NFATC2: variants seen among roughly 807,000 people sequenced by gnomAD.
NFATC2 encodes the protein nuclear factor of activated T cells 2, also known as nuclear factor of activated T-cells, cytoplasmic 2.
Under a neutral mutation model 87.3 loss-of-function variants are expected in NFATC2, and 22 were observed. That is an observed-to-expected ratio of 0.25 (90% CI 0.18 to 0.36). The LOEUF (loss-of-function observed/expected upper bound fraction) is 0.36, where lower values mean the gene tolerates loss of function less well. Among genes scored for constraint, NFATC2 ranks in the 10% least tolerant of loss-of-function variants. NFATC2 has a pLI of 1.00. For synonymous variants in NFATC2, 565 were observed against 542.2 expected (o/e 1.04, Z -0.58); for missense variants, 1,149 against 1,259.1 (o/e 0.91, Z 1.32).
chr20:51,506,085 C>G (rs1340777134), intron 3 of NFATC2, among the ~76,000 whole-genome samples: 1 of 152,216 alleles, frequency 6.6e-6, no homozygotes, highest in Admixed American at 6.5e-5. Flanking sequence ...AGCAATGCAA[C>G]CTTGAAAAAG....
intron 10 of NFATC2, among the ~76,000 whole-genome samples, chr20:51,398,129 C>T (rs187264435): frequency 1.1e-4 from 16 of 146,464 alleles, no homozygotes; most frequent in African/African-American, 4.1e-4. Flanking sequence ...CTTCAAAAGC[C>T]ACAACAAGGA....
Position 51,524,055 on chromosome 20 carries a change from A to C in NFATC2, c.186T>G (p.Asp62Glu). The change falls in exon 2 of 11, where the codon GAT becomes GAG. Residue 62 changes from aspartate to glutamate, a missense_variant. Asp to Glu is a conservative substitution (Grantham distance 45). Transcript: ENST00000371564. This position sits in a 1 kb window ranked among gnomAD's most constrained non-coding sequence, Gnocchi z 4.0. The part of the protein sequence containing the change: ...ASPPSGPAYP[D>E]DVLDYGLKPY... Reference sequence around the variant, plus strand: ...GCTTGAGGCCATAGTCCAGGACATCATCGGGGTATGCGGGTCCGGAGGGTG... The same window carrying C: ...GCTTGAGGCCATAGTCCAGGACATCCTCGGGGTATGCGGGTCCGGAGGGTG... 6.6e-7 allele frequency: 1 copy of C among 1,513,508 alleles called. No individual in the cohort carries two copies. Among genetic ancestry groups the C allele is most frequent in the Non-Finnish European group, 8.8e-7 (1 of 1,134,116 alleles). The allele number at this position is 1,513,508 out of a possible 1,614,324, so 93.8% of individuals were successfully genotyped here. A position where few individuals can be genotyped will look rare whatever the true frequency, so the allele number is the denominator to read the frequency against.
rs1445842798 is a variant in NFATC2 at position 51,420,719 on chromosome 20, A to C, written c.2722+11348T>G. On this transcript the variant is annotated intron_variant, in intron 9 of 10. Coordinates refer to ENST00000371564, the MANE Select transcript of NFATC2 (RefSeq NM_012340.5). ...ATGAACTATAATAAAAACAAAGAAG[A>C]AAACACTTTTATGATATTTATATAT... 7.9e-5 allele frequency among the ~76,000 whole-genome samples: 12 copies of C among 152,192 alleles called. 1 individual carries two copies. The East Asian group carries it at 2.3e-3, about 29-fold the overall frequency.
chr20:51,489,434 T>C (rs1166018475), intron 3 of NFATC2, among the ~76,000 whole-genome samples: 1 of 152,196 alleles, frequency 6.6e-6, no homozygotes, highest in Non-Finnish European at 1.5e-5. Context: ...CATCTCTAGA[T>C]TTTCTACATT....
intron 9 of NFATC2, among the ~76,000 whole-genome samples, chr20:51,399,417 G>A (rs1353833273): frequency 6.6e-6 from 1 of 152,188 alleles, no homozygotes; most frequent in Admixed American, 6.5e-5. Context: ...CATTCCAAAT[G>A]CCTGATTTAG....
At chr20:51,507,218 T>C (rs3787189) in intron 3 of NFATC2, among the ~76,000 whole-genome samples, 53,303 of 152,130 alleles carry the variant, frequency 0.35, 9,414 homozygotes, top group Middle Eastern at 0.43. Context: ...ACTTTAGGTA[T>C]GTGAGCTTCA....
chr20:51,468,461 C>A (rs994757590), intron 5 of NFATC2, among the ~76,000 whole-genome samples: 1 of 152,248 alleles, frequency 6.6e-6, no homozygotes, highest in Non-Finnish European at 1.5e-5. Context: ...CCTGAGCTGG[C>A]AGGGCTTTGT....
intron 6 of NFATC2, among the ~76,000 whole-genome samples, chr20:51,448,577 G>T (rs1368031697): frequency 3.3e-5 from 5 of 152,196 alleles, no homozygotes; most frequent in African/African-American, 1.2e-4. Context: ...CTGGGAGGCG[G>T]AGCTTGCAGT....
Position 51,562,514 on chromosome 20 carries a change from G to A in NFATC2, c.70+46C>T, listed in dbSNP as rs2077041655. 6.0e-6 allele frequency: 9 copies of A among 1,499,726 alleles called. No homozygotes were observed. The highest frequency in any genetic ancestry group is 1.2e-5 in the South Asian group (1 of 81,580). 92.9% of individuals were successfully genotyped at this position (1,499,726 alleles called of 1,614,324 possible). On this transcript the variant is annotated intron_variant, in intron 1 of 10. Coordinates refer to the NFATC2 transcript ENST00000414705. This position sits in a 1 kb window ranked among gnomAD's most constrained non-coding sequence, Gnocchi z 5.8. ...GGGACGGGAGCAGCAGGAAAGGGCC[G>A]GGAGGAGCGAGCGGAAAAGGCTGGA...
intron 3 of NFATC2, among the ~76,000 whole-genome samples, chr20:51,491,877 TAC>T (rs33936990): frequency 0.15 from 8,838 of 57,118 alleles, 472 homozygotes; most frequent in Non-Finnish European, 0.17. Flanking sequence ...CACATACACA[TAC>T]ACACACACAC....
At chr20:51,427,694 C>T (rs1982052801) in intron 9 of NFATC2, among the ~76,000 whole-genome samples, 1 of 152,192 alleles carries the variant, frequency 6.6e-6, no homozygotes, top group Non-Finnish European at 1.5e-5. Context: ...ACCTGCGTTC[C>T]CTCTCCCTGA....
In NFATC2 at chr20:51,523,957, T is replaced by G; in HGVS notation, c.284A>C (p.Gln95Pro). 1 of 1,594,114 alleles carries G rather than the reference T, an allele frequency of 6.3e-7. No homozygotes were observed. The highest frequency in any genetic ancestry group is 8.5e-7 in the Non-Finnish European group (1 of 1,174,654). ...RFGEPDRVGPQKFLSAAKPAG... is the reference protein window; with the variant it reads ...RFGEPDRVGPPKFLSAAKPAG... ...TGGCTTGGCCGCGCTCAGAAACTTCTGCGGCCCTACCCTATCCGGCTCTCC... is the reference window on the plus strand; with the variant it reads ...TGGCTTGGCCGCGCTCAGAAACTTCGGCGGCCCTACCCTATCCGGCTCTCC... Residue 95 changes from glutamine (Q) to proline (P), a missense_variant, in exon 2 of 11, where the codon CAG becomes CCG. Gln to Pro is a moderately conservative substitution (Grantham distance 76, BLOSUM62 -1). Transcript: ENST00000371564. This position sits in a 1 kb window ranked among gnomAD's most constrained non-coding sequence, Gnocchi z 6.9.
intron 6 of NFATC2, among the ~76,000 whole-genome samples, chr20:51,447,197 C>T (rs1262437013): frequency 6.6e-6 from 1 of 152,152 alleles, no homozygotes; most frequent in Non-Finnish European, 1.5e-5. Flanking sequence ...GATATGATGA[C>T]TCAGTGGGAA....
chr20:51,561,423 AG>A (rs1198121920), intron 1 of NFATC2, among the ~76,000 whole-genome samples: 15 of 140,040 alleles, frequency 1.1e-4, no homozygotes, highest in African/African-American at 3.7e-4. Flanking sequence ...AAAGAAAGAG[AG>A]AGAAAGAAAA....
In NFATC2 at chr20:51,454,630, C is replaced by A. The variant is rs764649104; in HGVS notation, c.1767G>T (p.Leu589=). The change falls in exon 6 of 11, where the codon CTG becomes CTT. Residue 589 remains leucine, a synonymous_variant. Coordinates refer to ENST00000371564, the MANE Select transcript of NFATC2 (RefSeq NM_012340.5). The stretch of plus-strand genomic sequence containing the variant: ...GGATCATTTGCTGGCCGCCATAGAC[C>A]AGGCAGCTGTCTGTGTCTTGTCTTT... ...MVERQDTDSC[L]VYGGQQMILT... is the part of the protein sequence containing the mutation. The A allele has an allele frequency of 6.2e-7, 1 of 1,614,102 alleles. No individual in the cohort carries two copies. The highest frequency in any genetic ancestry group is 8.5e-7 in the Non-Finnish European group (1 of 1,180,034).
At chr20:51,443,967 C>T (rs906814812) in intron 6 of NFATC2, among the ~76,000 whole-genome samples, 4 of 151,750 alleles carry the variant, frequency 2.6e-5, no homozygotes, top group South Asian at 4.2e-4. Context: ...GCTAAAGTAA[C>T]ATCATAGCCT....
Position 51,407,992 on chromosome 20 carries a change from C to G in NFATC2, c.2723-9262G>C, listed in dbSNP as rs184370144. Among the ~76,000 whole-genome samples, 32 of 152,324 alleles carry G rather than the reference C, an allele frequency of 2.1e-4. No individual in the cohort carries two copies. The East Asian group carries it at 5.8e-3, about 28-fold the overall frequency. On this transcript the variant is annotated intron_variant, in intron 9 of 10. Coordinates refer to ENST00000371564, the MANE Select transcript of NFATC2 (RefSeq NM_012340.5). Reference sequence around the variant, plus strand: ...AGCTGTTTAGAGACAGGAGGGCCAGCCTTCCAACCAAAGTCCTCTGTGGCC... The same window carrying G: ...AGCTGTTTAGAGACAGGAGGGCCAGGCTTCCAACCAAAGTCCTCTGTGGCC...
At chr20:51,512,459 T>C (rs6021262) in intron 3 of NFATC2, among the ~76,000 whole-genome samples, 115,872 of 152,036 alleles carry the variant, frequency 0.76, 44,316 homozygotes, top group Middle Eastern at 0.81. Context: ...TTGTATCACC[T>C]GCAACCAGCA....
At chr20:51,539,975 C>G (rs937960190) in intron 1 of NFATC2, among the ~76,000 whole-genome samples, 2 of 152,148 alleles carry the variant, frequency 1.3e-5, no homozygotes, top group African/African-American at 4.8e-5. Flanking sequence ...ACTGGGTAAT[C>G]AAGGTTAGCA....
Sources: allele counts gnomAD v4.1 joint callset (sites outside exome capture counted in the v4.1 genomes callset), GRCh38; gene constraint gnomAD v4.1.1; non-coding constraint Gnocchi (gnomAD v3.1); transcripts MANE v1.5; gene names NCBI Gene and HGNC (gene_info 2026-07-23, HGNC 2026-07-21).